Variants in CCBE1 observed in about 807,000 individuals in gnomAD.
CCBE1 encodes collagen and calcium binding EGF domains 1.
A neutral mutation model predicts 50.0 loss-of-function variants in CCBE1; 37 were observed. The ratio of observed to expected loss-of-function variants is 0.74; its 90% confidence interval spans 0.57 to 0.97. The LOEUF (loss-of-function observed/expected upper bound fraction) is 0.97, where lower values mean the gene tolerates loss of function less well. Among genes scored for constraint, CCBE1 ranks in the 50% least tolerant of loss-of-function variants. The pLI is 0.00. For synonymous variants in CCBE1, 234 were observed against 203.7 expected (o/e 1.15, Z -1.27); for missense variants, 538 against 523.8 (o/e 1.03, Z -0.26).
In CCBE1 at chr18:59,438,192, T is replaced by C. The variant is rs777190943; in HGVS notation, c.952-46A>G. ...GTTAGCTTTCTAGAGCACATGGATA[T>C]CACAAGAATAGTCTCTATTTATACA... On this transcript the variant is annotated intron_variant, in intron 9 of 10. Coordinates refer to ENST00000439986, the MANE Select transcript of CCBE1 (RefSeq NM_133459.4). The C allele has an allele frequency of 1.9e-6, 3 of 1,558,990 alleles. No homozygotes were observed. The East Asian group carries it at 6.7e-5, about 35-fold the overall frequency.
chr18:59,622,725 C>T (rs895105870), intron 2 of CCBE1, among the ~76,000 whole-genome samples: 10 of 151,002 alleles, frequency 6.6e-5, no homozygotes, highest in Non-Finnish European at 1.2e-4. Flanking sequence ...CACTTGAACC[C>T]GGGAGGCAGA....
intron 2 of CCBE1, among the ~76,000 whole-genome samples, chr18:59,507,623 C>T (rs1026629973): frequency 6.6e-6 from 1 of 152,148 alleles, no homozygotes; most frequent in African/African-American, 2.4e-5. Context: ...CTTTGCTGTC[C>T]CCATCCTCAT....
chr18:59,433,730 G>C lies in CCBE1; in HGVS notation c.*2178C>G, dbSNP rs535062443. On this transcript the variant is annotated 3_prime_UTR_variant, in exon 11 of 11. Coordinates refer to ENST00000439986, the MANE Select transcript of CCBE1 (RefSeq NM_133459.4). Reference sequence around the variant, plus strand: ...CGCCATTCTCCTGCCTCAGCCTCCCGAGCAGCTGGGACCACAGGCGCCCAC... The same window carrying C: ...CGCCATTCTCCTGCCTCAGCCTCCCCAGCAGCTGGGACCACAGGCGCCCAC... 1 of 150,602 alleles carries C rather than the reference G, an allele frequency of 6.6e-6. No individual in the cohort carries two copies. The highest frequency in any genetic ancestry group is 1.5e-5 in the Non-Finnish European group (1 of 67,890). The allele number at this position is 150,602 out of a possible 1,614,324, so 9.3% of individuals were successfully genotyped here. A position where few individuals can be genotyped will look rare whatever the true frequency, so the allele number is the denominator to read the frequency against.
chr18:59,666,168 G>A (rs2054353396), intron 2 of CCBE1: 1 of 152,248 alleles, frequency 6.6e-6, no homozygotes, highest in African/African-American at 2.4e-5. Context: ...CAAAGAGAGA[G>A]TTTGTGATAG....
chr18:59,669,178 A>G (rs139072459), intron 2 of CCBE1, among the ~76,000 whole-genome samples: 180 of 152,200 alleles, frequency 1.2e-3, no homozygotes, highest in African/African-American at 3.8e-3. Context: ...CTTTTTAGCT[A>G]CACTTATTTT....
At chr18:59,613,875 T>TTGTTTTTTTTTTTG (rs1568234662) in intron 2 of CCBE1, among the ~76,000 whole-genome samples, 4 of 106,794 alleles carry the variant, frequency 3.7e-5, no homozygotes, top group African/African-American at 2.1e-4. Context: ...TTTTTTTTTT[T>TTGTTTTTTTTTTTG]TTTTTTTTTT....
chr18:59,645,022 G>A lies in CCBE1; in HGVS notation c.212+51607C>T, dbSNP rs192001056. Among the ~76,000 whole-genome samples the A allele has an allele frequency of 4.8e-3, 733 of 152,150 alleles. 3 individuals carry two copies. Among genetic ancestry groups the A allele is most frequent in the Non-Finnish European group, 6.1e-3 (416 of 67,976 alleles). On this transcript the variant is annotated intron_variant, in intron 2 of 10. Coordinates refer to ENST00000439986, the MANE Select transcript of CCBE1 (RefSeq NM_133459.4). ...TGTAATCCCAGCACTTTGGGAGGCC[G>A]AGGTGGGCGGATCACGAGGTCAGGA...
intron 2 of CCBE1, among the ~76,000 whole-genome samples, chr18:59,659,890 T>TC (rs397943990): frequency 6.6e-6 from 1 of 151,900 alleles, no homozygotes; most frequent in East Asian, 1.9e-4. Context: ...AGCTCAGAGG[T>TC]CCCCCCTCCC....
chr18:59,664,493 C>A (rs2054325834), intron 2 of CCBE1, among the ~76,000 whole-genome samples: 1 of 152,164 alleles, frequency 6.6e-6, no homozygotes, highest in Non-Finnish European at 1.5e-5. Context: ...CATGACCCCA[C>A]CTACTGCAAG....
upstream of CCBE1, chr18:59,697,602 CCCTG>C: frequency 2.0e-6 from 1 of 490,608 alleles, no homozygotes; most frequent in Non-Finnish European, 3.6e-6. Context: ...GGCGCGAGGG[CCCTG>C]AGGTTCAAGT....
intron 2 of CCBE1, among the ~76,000 whole-genome samples, chr18:59,520,360 T>C (rs1914545963): frequency 6.6e-6 from 1 of 152,246 alleles, no homozygotes; most frequent in Non-Finnish European, 1.5e-5. Context: ...CATTGGTTTG[T>C]AGTTCTTCTT....
At chr18:59,584,742 C>T (rs544161696) in intron 2 of CCBE1, among the ~76,000 whole-genome samples, 20 of 152,212 alleles carry the variant, frequency 1.3e-4, no homozygotes, top group African/African-American at 4.3e-4. Flanking sequence ...AAAAGTTTCC[C>T]GAGGCCTCCC....
chr18:59,507,767 A>C (rs79787675), intron 2 of CCBE1, among the ~76,000 whole-genome samples: 6,897 of 152,248 alleles, frequency 0.045, 491 homozygotes, highest in African/African-American at 0.15. Flanking sequence ...TGCAGTCAAC[A>C]TTTCCTTTGT....
chr18:59,438,239 C>T (rs1009300250), intron 9 of CCBE1, 93 bp from the exon 10 acceptor site: 6 of 1,106,620 alleles, frequency 5.4e-6, no homozygotes, highest in Non-Finnish European at 8.3e-6. Flanking sequence ...CACTTCCCTG[C>T]ACAAAACAAT....
rs57217059 is a variant in CCBE1, at chr18:59,522,993, C to CAAAAAAAAAAAA, written c.213-42767_213-42756dup. Among the ~76,000 whole-genome samples the CAAAAAAAAAAAA allele has an allele frequency of 2.4e-4, 21 of 89,216 alleles. 2 individuals carry two copies. Among genetic ancestry groups the CAAAAAAAAAAAA allele is most frequent in the Non-Finnish European group, 3.4e-4 (15 of 44,694 alleles). 58.5% of individuals were successfully genotyped at this position (89,216 alleles called of 152,430 possible). A position where few individuals can be genotyped will look rare whatever the true frequency, so the allele number is the denominator to read the frequency against. Reference sequence around the variant, plus strand: ...GGCAACAGAGTGAGAGACTCTGTTTCAAAAAAAAAAAAAAAAAAAATTCTC... The same window carrying CAAAAAAAAAAAA: ...GGCAACAGAGTGAGAGACTCTGTTTCAAAAAAAAAAAAAAAAAAAAAAAAAAAAAAAATTCTC... On this transcript the variant is annotated intron_variant, in intron 2 of 10. Transcript: ENST00000439986.
intron 2 of CCBE1, among the ~76,000 whole-genome samples, chr18:59,577,809 C>T (rs1181984301): frequency 1.3e-5 from 2 of 152,118 alleles, no homozygotes; most frequent in Admixed American, 1.3e-4. Context: ...GCTAAAATAG[C>T]TTCAATAGAA....
At chr18:59,524,859 T>C (rs553775054) in intron 2 of CCBE1, among the ~76,000 whole-genome samples, 4 of 152,344 alleles carry the variant, frequency 2.6e-5, no homozygotes, top group Admixed American at 2.6e-4. Flanking sequence ...TGGTTTTCTG[T>C]TCCTGTGTTA....
chr18:59,677,822 A>G (rs1314526072), intron 2 of CCBE1, among the ~76,000 whole-genome samples: 4 of 152,194 alleles, frequency 2.6e-5, no homozygotes, highest in Admixed American at 6.5e-5. Context: ...GTTTGAATAT[A>G]TTGAGAGAAA....
chr18:59,617,211 G>T (rs1000302773), intron 2 of CCBE1, among the ~76,000 whole-genome samples: 6 of 152,202 alleles, frequency 3.9e-5, no homozygotes, highest in South Asian at 2.1e-4. Context: ...GGTTGAAAAA[G>T]TTATGCTGAA....
Sources: gnomAD v4.1 joint callset for allele counts (sites outside exome capture counted in the v4.1 genomes callset) on GRCh38, gnomAD v4.1.1 for gene constraint, MANE v1.5 for transcripts, NCBI Gene and HGNC (gene_info 2026-07-23, HGNC 2026-07-21) for gene names.